Variants in ADARB2 observed in about 807,000 individuals in gnomAD.
The protein encoded by ADARB2 is adenosine deaminase RNA specific B2 (inactive).
A neutral mutation model predicts 62.2 loss-of-function variants in ADARB2; 25 were observed. The observed-to-expected ratio is 0.40, with a 90% CI of 0.29 to 0.56. ADARB2 has a LOEUF of 0.56. ADARB2 is among the 20% of genes least tolerant of loss of function. ADARB2 has a pLI of 0.43. For synonymous variants in ADARB2, 572 were observed against 500.8 expected (o/e 1.14, Z -1.90); for missense variants, 1,071 against 1,077.4 (o/e 0.99, Z 0.08).
chr10:1,730,400 C>T (rs1835216207), intron 1 of ADARB2, among the ~76,000 whole-genome samples: 1 of 152,192 alleles, frequency 6.6e-6, no homozygotes, highest in African/African-American at 2.4e-5. Flanking sequence ...GTGTGGCCCT[C>T]TTCCGCGTGA....
At chr10:1,510,117 T>TTTCTTTCTTTCTTTCTTTCTTTC (rs1564312521) in intron 1 of ADARB2, among the ~76,000 whole-genome samples, 11 of 93,820 alleles carry the variant, frequency 1.2e-4, no homozygotes, top group African/African-American at 4.9e-4. Flanking sequence ...TCTCTCTTTC[T>TTTCTTTCTTTCTTTCTTTCTTTC]TTCTTTCTTT....
chr10:1,209,089 T>A (rs1230920942), intron 7 of ADARB2, among the ~76,000 whole-genome samples: 1 of 152,014 alleles, frequency 6.6e-6, no homozygotes, highest in African/African-American at 2.4e-5. Context: ...TCCTTCTGAA[T>A]GGCGGAGAAC....
intron 1 of ADARB2, among the ~76,000 whole-genome samples, chr10:1,514,532 A>G (rs986908348): frequency 7.2e-5 from 11 of 152,098 alleles, no homozygotes; most frequent in Non-Finnish European, 1.6e-4. Context: ...CTGCCCCCAC[A>G]CAGTCTGATA....
chr10:1,659,347 G>A (rs989973846), intron 1 of ADARB2, among the ~76,000 whole-genome samples: 1 of 152,168 alleles, frequency 6.6e-6, no homozygotes, highest in African/African-American at 2.4e-5. Context: ...TCACATCCCC[G>A]TCCTGTCTAT....
intron 1 of ADARB2, among the ~76,000 whole-genome samples, chr10:1,551,607 T>C (rs1832623145): frequency 6.6e-6 from 1 of 152,194 alleles, no homozygotes; most frequent in African/African-American, 2.4e-5. Context: ...AAAGCAAAAA[T>C]AAAATAATTT....
intron 4 of ADARB2, among the ~76,000 whole-genome samples, chr10:1,251,252 A>G (rs1831035040): frequency 1.3e-5 from 2 of 152,224 alleles, no homozygotes; most frequent in Non-Finnish European, 2.9e-5. Context: ...AGCACTAAAA[A>G]TAAATCAGTT....
At chr10:1,736,658 C>T (rs568554228) in intron 1 of ADARB2, among the ~76,000 whole-genome samples, 2 of 152,178 alleles carry the variant, frequency 1.3e-5, no homozygotes, top group African/African-American at 2.4e-5. Context: ...CGCGAGGGCT[C>T]GTTCCCCCGT....
At chr10:1,229,848 G>A (rs1367079043) in intron 6 of ADARB2, among the ~76,000 whole-genome samples, 4 of 106,860 alleles carry the variant, frequency 3.7e-5, no homozygotes, top group African/African-American at 1.9e-4. Flanking sequence ...GTGCTTACGT[G>A]TGTGTGTGTG....
chr10:1,459,584 C>G (rs1047220818), intron 1 of ADARB2, among the ~76,000 whole-genome samples: 1 of 152,150 alleles, frequency 6.6e-6, no homozygotes, highest in Non-Finnish European at 1.5e-5. Context: ...GCCAACATGG[C>G]CAAACCCCGT....
chr10:1,452,232 G>A (rs143169065), intron 1 of ADARB2, among the ~76,000 whole-genome samples: 60 of 152,254 alleles, frequency 3.9e-4, no homozygotes, highest in African/African-American at 1.2e-3. Context: ...ACAGGGAGAC[G>A]GCAAATGTGA....
chr10:1,233,978 C>CTTTTTTTTTTTTTTT lies in ADARB2; in HGVS notation c.1362-134_1362-133insAAAAAAAAAAAAAAA, dbSNP rs1589160330. 6.9e-6 allele frequency: 3 copies of CTTTTTTTTTTTTTTT among 433,412 alleles called. 1 individual carries two copies. Among genetic ancestry groups the CTTTTTTTTTTTTTTT allele is most frequent in the Non-Finnish European group, 9.6e-6 (3 of 312,792 alleles). 26.8% of individuals were successfully genotyped at this position (433,412 alleles called of 1,614,324 possible). A position where few individuals can be genotyped will look rare whatever the true frequency, so the allele number is the denominator to read the frequency against. On this transcript the variant is annotated intron_variant, in intron 5 of 9. Transcript: ENST00000381312. ...CTTTATATTTTTCCTTTTTTTTTTC[C>CTTTTTTTTTTTTTTT]TTTTTTTTTTGAGACGGAGTCTTGT... is the stretch of plus-strand genomic sequence containing the variant.
In ADARB2 at chr10:1,204,558, G is replaced by C. The variant is rs1158844625; in HGVS notation, c.1683-4411C>G. On this transcript the variant is annotated intron_variant, in intron 7 of 9. Coordinates refer to ENST00000381312, the MANE Select transcript of ADARB2 (RefSeq NM_018702.4). ...GCTGGGACACCCTCAGGGCCAGGAG[G>C]CCACAGCTGCCCCACCTGCACCTTC... Among the ~76,000 whole-genome samples, 3 of 152,258 alleles carry C rather than the reference G, an allele frequency of 2.0e-5. No individual in the cohort carries two copies. In the East Asian group the frequency reaches 5.8e-4, roughly 29 times the overall value.
At chr10:1,593,401 G>A (rs904187940) in intron 1 of ADARB2, among the ~76,000 whole-genome samples, 1 of 152,166 alleles carries the variant, frequency 6.6e-6, no homozygotes, top group Non-Finnish European at 1.5e-5. Flanking sequence ...CCTTGCCCTA[G>A]CCATGCTCCA....
intron 7 of ADARB2, 157 bp downstream of exon 7, chr10:1,216,794 G>A (rs1255019978): frequency 3.0e-6 from 3 of 1,009,776 alleles, no homozygotes; most frequent in African/African-American, 1.6e-5. Flanking sequence ...GACTGAACAT[G>A]TGGAATGGCT....
At chr10:1,428,160 A>G (rs1830726034) in intron 1 of ADARB2, among the ~76,000 whole-genome samples, 1 of 151,830 alleles carries the variant, frequency 6.6e-6, no homozygotes, top group Non-Finnish European at 1.5e-5. Context: ...TTTAGTAGAT[A>G]TGAGGTTTCA....
At chr10:1,271,637 CACACAG>C (rs1411197091) in intron 3 of ADARB2, among the ~76,000 whole-genome samples, 2 of 151,922 alleles carry the variant, frequency 1.3e-5, no homozygotes, top group Non-Finnish European at 2.9e-5. Context: ...CACATGCACA[CACACAG>C]ACACACACAT....
chr10:1,695,453 C>A (rs1052975429), intron 1 of ADARB2, among the ~76,000 whole-genome samples: 1 of 152,162 alleles, frequency 6.6e-6, no homozygotes, highest in South Asian at 2.1e-4. Flanking sequence ...CTTTAGGGGT[C>A]GTTACCATTG....
At chr10:1,503,918 T>C (rs1222237532) in intron 1 of ADARB2, among the ~76,000 whole-genome samples, 1 of 152,202 alleles carries the variant, frequency 6.6e-6, no homozygotes, top group African/African-American at 2.4e-5. Flanking sequence ...TCACGCTTCT[T>C]GTACAGCCTG....
At position 1,704,053 on chromosome 10, in the gene ADARB2, GAACA is replaced by G. The variant is rs1441596948; in HGVS notation, c.100+32994_100+32997del. On this transcript the variant is annotated intron_variant, in intron 1 of 9. Transcript: ENST00000381312. This position sits in a 1 kb window ranked among gnomAD's most constrained non-coding sequence, Gnocchi z 5.6. ...TACCTCAAGAGTTAGTATCTTAAAA[GAACA>G]AACACTATATCTAACTTCCTGTGGG... is the stretch of plus-strand genomic sequence containing the variant. Among the ~76,000 whole-genome samples the G allele has an allele frequency of 1.3e-5, 2 of 151,990 alleles. No homozygotes were observed. Among genetic ancestry groups the G allele is most frequent in the African/African-American group, 4.8e-5 (2 of 41,428 alleles).
Sources: gnomAD v4.1 joint callset for allele counts (sites outside exome capture counted in the v4.1 genomes callset) on GRCh38, gnomAD v4.1.1 for gene constraint, Gnocchi (gnomAD v3.1) non-coding constraint, MANE v1.5 for transcripts, NCBI Gene and HGNC (gene_info 2026-07-23, HGNC 2026-07-21) for gene names.